TGM5: variants seen among roughly 807,000 people sequenced by gnomAD.
TGM5 encodes protein-glutamine gamma-glutamyltransferase 5.
In TGM5, 69 loss-of-function variants were observed where a neutral mutation model predicts 77.2. That is an observed-to-expected ratio of 0.89 (90% CI 0.74 to 1.09). TGM5 has a LOEUF of 1.09. TGM5 is among the 50% of genes least tolerant of loss of function. TGM5 has a pLI of 0.00. For synonymous variants in TGM5, 346 were observed against 351.8 expected (o/e 0.98, Z 0.18); for missense variants, 842 against 896.5 (o/e 0.94, Z 0.78).
chr15:43,260,580 C>A lies in TGM5; in HGVS notation c.11-1G>T. On this transcript the variant is annotated splice_acceptor_variant, in intron 1 of 12. Coordinates refer to ENST00000220420, the MANE Select transcript of TGM5 (RefSeq NM_201631.4). LOFTEE classifies it high-confidence loss of function. ...AGGTCTGTGAGGGCCACTTCTAGCCCTGCAATGGGGCAGCCAGGGTTAGAC... is the reference window on the plus strand; with the variant it reads ...AGGTCTGTGAGGGCCACTTCTAGCCATGCAATGGGGCAGCCAGGGTTAGAC... 1 of 1,614,094 alleles carries A rather than the reference C, an allele frequency of 6.2e-7. No homozygotes were observed. Among genetic ancestry groups the A allele is most frequent in the Non-Finnish European group, 8.5e-7 (1 of 1,179,970 alleles).
Position 43,252,855 on chromosome 15 carries a change from T to C in TGM5, c.766A>G (p.Thr256Ala), listed in dbSNP as rs752209786. ...TGCTTCAGGATGGCCACGCTGCCCGTCCACTCCGCAGGGTTGGCGCCGTCT... is the reference window on the plus strand; with the variant it reads ...TGCTTCAGGATGGCCACGCTGCCCGCCCACTCCGCAGGGTTGGCGCCGTCT... ...YTDGANPAEW[T>A]GSVAILKQWN... The change falls in exon 6 of 13, where the codon ACG (threonine) becomes GCG (alanine). Residue 256 changes from threonine to alanine, a missense_variant. Transcript: ENST00000220420. The C allele has an allele frequency of 6.2e-7, 1 of 1,614,010 alleles. No homozygotes were observed. Among genetic ancestry groups the C allele is most frequent in the Non-Finnish European group, 8.5e-7 (1 of 1,180,034 alleles).
In TGM5 at chr15:43,252,814, G is replaced by C; in HGVS notation, c.807C>G (p.Gly269=). Residue 269 remains glycine (G), a synonymous_variant, in exon 6 of 13, where the codon GGC becomes GGG. Coordinates refer to ENST00000220420, the MANE Select transcript of TGM5 (RefSeq NM_201631.4). The stretch of plus-strand genomic sequence containing the variant: ...ATTGCCCGTAGCGCACGGGCTGGCA[G>C]CCTGTGGCGTTCCACTGCTTCAGGA... ...VAILKQWNAT[G]CQPVRYGQCW... The C allele has an allele frequency of 6.2e-7, 1 of 1,614,050 alleles. No homozygotes were observed. The highest frequency in any genetic ancestry group is 8.5e-7 in the Non-Finnish European group (1 of 1,180,016).
chr15:43,260,414 A>C lies in TGM5; in HGVS notation c.176T>G (p.Phe59Cys), dbSNP rs754314706. ...GGGGTTCTTACCAGTTTCAACCACG[A>C]AGATGATGTTGTCCAGGCCTGGCTG... is the stretch of plus-strand genomic sequence containing the variant. ...SFQPGLDNII[F>C]VVETGPLPDL... The change falls in exon 2 of 13, where the codon TTC becomes TGC. Residue 59 changes from phenylalanine to cysteine, a missense_variant. By Grantham distance (205) the Phe-to-Cys change is radical (BLOSUM62 -2). Transcript: ENST00000220420. 1 of 1,614,206 alleles carries C rather than the reference A, an allele frequency of 6.2e-7. No individual in the cohort carries two copies. The highest frequency in any genetic ancestry group is 1.1e-5 in the South Asian group (1 of 91,088).
At chr15:43,256,916 G>T (rs2042746154) in intron 3 of TGM5, among the ~76,000 whole-genome samples, 1 of 152,122 alleles carries the variant, frequency 6.6e-6, no homozygotes, top group Non-Finnish European at 1.5e-5. Context: ...GAATTTCTTG[G>T]TTTACAAAGC....
At chr15:43,234,466 C>G (rs181582160) in intron 11 of TGM5, among the ~76,000 whole-genome samples, 3 of 152,326 alleles carry the variant, frequency 2.0e-5, no homozygotes, top group African/African-American at 7.2e-5. Flanking sequence ...AGAGACCCTC[C>G]CATCTGTGCT....
Position 43,252,801 on chromosome 15 carries a change from G to A in TGM5, c.820C>T (p.Arg274Cys), listed in dbSNP as rs775889084. The change falls in exon 6 of 13, where the codon CGC (arginine) becomes TGC (cysteine). Residue 274 changes from arginine (R) to cysteine (C), a missense_variant. Arg to Cys is a radical substitution (Grantham distance 180). Around this residue, in one of 2 missense-constraint regions of TGM5, gnomAD observed 815 missense variants for 844.6 expected, o/e 0.96. Coordinates refer to ENST00000220420, the MANE Select transcript of TGM5 (RefSeq NM_201631.4). Reference sequence around the variant, plus strand: ...GCAAAGACCCAGCATTGCCCGTAGCGCACGGGCTGGCAGCCTGTGGCGTTC... The same window carrying A: ...GCAAAGACCCAGCATTGCCCGTAGCACACGGGCTGGCAGCCTGTGGCGTTC... ...QWNATGCQPV[R>C]YGQCWVFAAV... 7.8e-5 allele frequency: 126 copies of A among 1,613,880 alleles called. No individual in the cohort carries two copies. Among genetic ancestry groups the A allele is most frequent in the Middle Eastern group, 1.6e-4 (1 of 6,080 alleles).
chr15:43,266,783 A>G (rs1596454857), intron 1 of TGM5, 57 bp downstream of exon 1: 4 of 1,609,686 alleles, frequency 2.5e-6, no homozygotes, highest in East Asian at 4.5e-5. Context: ...GACTTCCTAC[A>G]GTCTCTCTCT....
chr15:43,240,297 G>C (rs2042625184), intron 7 of TGM5, among the ~76,000 whole-genome samples: 1 of 152,122 alleles, frequency 6.6e-6, no homozygotes, highest in African/African-American at 2.4e-5. Flanking sequence ...ACAGGGCTGG[G>C]TTTCCCCACT....
In TGM5 at chr15:43,260,391, G is replaced by A. The variant is rs759048344; in HGVS notation, c.190+9C>T. 1 of 1,614,168 alleles carries A rather than the reference G, an allele frequency of 6.2e-7. No homozygotes were observed. The highest frequency in any genetic ancestry group is 1.1e-5 in the South Asian group (1 of 91,080). The stretch of plus-strand genomic sequence containing the variant: ...CACACAGCCCCTGTGAGCCAGCTGG[G>A]GTTCTTACCAGTTTCAACCACGAAG... On this transcript the variant is annotated intron_variant, in intron 2 of 12. Coordinates refer to ENST00000220420, the MANE Select transcript of TGM5 (RefSeq NM_201631.4).
chr15:43,233,777 A>T, intron 11 of TGM5, 90 bp from the exon 12 acceptor site: 1 of 1,452,694 alleles, frequency 6.9e-7, no homozygotes, highest in South Asian at 1.2e-5. Context: ...AGGTGGCAGG[A>T]TATGCCACCT....
chr15:43,253,366 C>A (rs2042719480), intron 5 of TGM5, 140 bp downstream of exon 5: 11 of 1,216,256 alleles, frequency 9.0e-6, no homozygotes, highest in Non-Finnish European at 1.3e-5. Context: ...GAAAACTTGT[C>A]ACCCACATTC....
At chr15:43,241,068 C>G (rs766416056) in intron 6 of TGM5, 78 bp from the exon 7 acceptor site, 47 of 1,586,162 alleles carry the variant, frequency 3.0e-5, no homozygotes, top group Non-Finnish European at 1.7e-5. Context: ...GGGGCCTGGA[C>G]CTGGGGAAAT....
intron 6 of TGM5, among the ~76,000 whole-genome samples, chr15:43,249,111 A>T (rs1014285130): frequency 1.3e-5 from 2 of 151,934 alleles, no homozygotes; most frequent in African/African-American, 2.4e-5. Context: ...CAGAAGAGGG[A>T]TGATGCTGTA....
In TGM5 at chr15:43,252,748, C is replaced by T; in HGVS notation, c.862+11G>A. 2 of 1,613,302 alleles carry T rather than the reference C, an allele frequency of 1.2e-6. No homozygotes were observed. The highest frequency in any genetic ancestry group is 1.7e-6 in the Non-Finnish European group (2 of 1,180,026). On this transcript the variant is annotated intron_variant, in intron 6 of 12. Transcript: ENST00000220420. Reference sequence around the variant, plus strand: ...TTCTGACCTTTTTGTGGGGTCCTTTCTACCTCCTACCTGTGCACATGACGG... The same window carrying T: ...TTCTGACCTTTTTGTGGGGTCCTTTTTACCTCCTACCTGTGCACATGACGG...
rs371280622 is a variant in TGM5, at chr15:43,256,678, C to T, written c.445G>A (p.Val149Ile). 1 of 1,612,286 alleles carries T rather than the reference C, an allele frequency of 6.2e-7. No homozygotes were observed. The highest frequency in any genetic ancestry group is 1.3e-5 in the African/African-American group (1 of 74,856). ...CTCTGGGGTTCACTGTCCAAGTAGA[C>T]AGCATCCTCTAGGAACCAGAGTGGG... ...LFNPWCPEDA[V>I]YLDSEPQRQE... Residue 149 changes from valine (V) to isoleucine (I), a missense_variant, in exon 4 of 13, where the codon GTC (valine) becomes ATC (isoleucine). Physicochemically the swap from Val to Ile is conservative, Grantham distance 29. Around this residue, in one of 2 missense-constraint regions of TGM5, gnomAD observed 815 missense variants for 844.6 expected, o/e 0.96. Transcript: ENST00000220420.
At chr15:43,266,601 A>C (rs921093512) in intron 1 of TGM5, among the ~76,000 whole-genome samples, 4 of 152,204 alleles carry the variant, frequency 2.6e-5, no homozygotes, top group Non-Finnish European at 4.4e-5. Flanking sequence ...CCACCTGGCT[A>C]TGGAGGCAGG....
intron 6 of TGM5, among the ~76,000 whole-genome samples, chr15:43,251,651 C>G (rs2042704222): frequency 6.6e-6 from 1 of 152,172 alleles, no homozygotes; most frequent in South Asian, 2.1e-4. Context: ...AGGCCGAGAG[C>G]AGGCCTGGGT....
At chr15:43,241,988 G>T (rs2042640507) in intron 6 of TGM5, among the ~76,000 whole-genome samples, 1 of 152,158 alleles carries the variant, frequency 6.6e-6, no homozygotes, top group Non-Finnish European at 1.5e-5. Context: ...ATGCTCTGGG[G>T]ATTCCTGTCC....
chr15:43,239,458 G>A, intron 7 of TGM5, 192 bp from the exon 8 acceptor site: 1 of 645,160 alleles, frequency 1.5e-6, no homozygotes, highest in Non-Finnish European at 2.8e-6. Context: ...GAGGTGAGAG[G>A]ATTGCTTGAG....
Sources: allele counts gnomAD v4.1 joint callset (sites outside exome capture counted in the v4.1 genomes callset), GRCh38; gene constraint gnomAD v4.1.1; regional missense constraint gnomAD v4.1.1; transcripts MANE v1.5; gene names NCBI Gene and HGNC (gene_info 2026-07-23, HGNC 2026-07-21).